CAPRIN1: variants seen among roughly 807,000 people sequenced by gnomAD.
The protein encoded by CAPRIN1 is cell cycle associated protein 1.
A neutral mutation model predicts 100.9 loss-of-function variants in CAPRIN1; 29 were observed. The ratio of observed to expected loss-of-function variants is 0.29; its 90% CI spans 0.21 to 0.39. The LOEUF (loss-of-function observed/expected upper bound fraction) is 0.39, where lower values mean the gene tolerates loss of function less well. Ranked by LOEUF, CAPRIN1 falls within the 10% of genes least tolerant of loss-of-function variation. The probability of loss-of-function intolerance (pLI) is 1.00; values close to 1 mark genes in which losing one functional copy is unlikely to be tolerated. For missense variants in CAPRIN1, 795 were observed against 876.7 expected (o/e 0.91, Z 1.18); for synonymous variants, 338 against 307.5 (o/e 1.10, Z -1.04).
intron 9 of CAPRIN1, 132 bp downstream of exon 9, chr11:34,083,173 G>C: frequency 1.6e-6 from 1 of 641,164 alleles, no homozygotes; most frequent in Non-Finnish European, 2.8e-6. Flanking sequence ...CATTACACCA[G>C]ACTGTTACTT....
Position 34,068,529 on chromosome 11 carries a change from A to G in CAPRIN1, c.217-3197A>G, listed in dbSNP as rs182819295. On this transcript the variant is annotated intron_variant, in intron 2 of 18. Coordinates refer to ENST00000341394, the MANE Select transcript of CAPRIN1 (RefSeq NM_005898.5). ...ATTCTAAATTTGTTATTGTGTAGAA[A>G]ATTGGAGGTTTTCTACTCTAGGATA... Among the ~76,000 whole-genome samples, 9 of 152,260 alleles carry G rather than the reference A, an allele frequency of 5.9e-5. No individual in the cohort carries two copies. In the East Asian group the frequency reaches 1.7e-3, roughly 29 times the overall value.
At chr11:34,066,912 G>T (rs527551677) in intron 2 of CAPRIN1, among the ~76,000 whole-genome samples, 1 of 149,892 alleles carries the variant, frequency 6.7e-6, no homozygotes, top group Admixed American at 6.7e-5. Flanking sequence ...CATTACAGGC[G>T]TGAGCCATCA....
At chr11:34,096,332 T>C (rs16925163) in intron 15 of CAPRIN1, 147 bp from the exon 16 acceptor site, 51,518 of 578,546 alleles carry the variant, frequency 0.089, 2,713 homozygotes, top group African/African-American at 0.15. Flanking sequence ...ACTTTATTCA[T>C]GTGTAGTTTT....
chr11:34,086,095 C>G lies in CAPRIN1; in HGVS notation c.998C>G (p.Ala333Gly), dbSNP rs201906028. 8.1e-6 allele frequency: 13 copies of G among 1,614,036 alleles called. No homozygotes were observed. The highest frequency in any genetic ancestry group is 1.0e-5 in the Non-Finnish European group (12 of 1,179,972). ...AATTCACTCCAGCAGCAACCTCAGG[C>G]TGCATCCCCTTCAGTACCAGAGCCC... The part of the protein sequence containing the change: ...VVNSLQQQPQ[A>G]ASPSVPEPHS... Residue 333 changes from alanine (A) to glycine (G), a missense_variant, in exon 10 of 19, where the codon GCT (alanine) becomes GGT (glycine). Physicochemically the swap from Ala to Gly is moderately conservative, Grantham distance 60 (BLOSUM62 0). Around this residue, in one of 3 missense-constraint regions of CAPRIN1, gnomAD observed 648 missense variants for 697.9 expected, o/e 0.93. Transcript: ENST00000341394.
intron 2 of CAPRIN1, among the ~76,000 whole-genome samples, chr11:34,059,354 C>T (rs544445961): frequency 2.6e-5 from 4 of 151,688 alleles, no homozygotes; most frequent in African/African-American, 7.3e-5. Flanking sequence ...CTGCAACCTC[C>T]GCCTCCTGGG....
chr11:34,080,126 T>A (rs1373043053), intron 7 of CAPRIN1, among the ~76,000 whole-genome samples: 2 of 152,050 alleles, frequency 1.3e-5, no homozygotes, highest in Admixed American at 6.6e-5. Flanking sequence ...GGTTTCACTG[T>A]GTTGGCCAGG....
chr11:34,079,905 G>GCTTTTTTTTTT (rs1850980473), intron 7 of CAPRIN1, 140 bp downstream of exon 7: 3 of 316,654 alleles, frequency 9.5e-6, no homozygotes, highest in African/African-American at 8.7e-5. Flanking sequence ...GCATGACAAA[G>GCTTTTTTTTTT]TTTTTTTTTT....
Position 34,097,203 on chromosome 11 carries a change from T to C in CAPRIN1, c.1908T>C (p.Tyr636=). The change falls in exon 17 of 19, where the codon TAT becomes TAC. Residue 636 remains tyrosine (Y), a synonymous_variant. Transcript: ENST00000341394. Reference sequence around the variant, plus strand: ...TCTTGTCCTAAATTTTAGGAGGATATGATGGTTACCGCCCTTCATTCTCTA... The same window carrying C: ...TCTTGTCCTAAATTTTAGGAGGATACGATGGTTACCGCCCTTCATTCTCTA... ...RGPANGFRGG[Y]DGYRPSFSNT... 1 of 1,609,900 alleles carries C rather than the reference T, an allele frequency of 6.2e-7. No individual in the cohort carries two copies. Among genetic ancestry groups the C allele is most frequent in the Non-Finnish European group, 8.5e-7 (1 of 1,176,206 alleles).
At position 34,071,721 on chromosome 11, in the gene CAPRIN1, CAT is replaced by C. The variant is rs1850807297; in HGVS notation, c.217-3_217-2del. The stretch of plus-strand genomic sequence containing the variant: ...AATGTAATTCTTTTTTTTCTTTTAA[CAT>C]AGGGTAAGCTTGATGATTACCAGGA... On this transcript the variant is annotated splice_polypyrimidine_tract_variant and splice_region_variant and intron_variant, in intron 2 of 18. Transcript: ENST00000341394. 1 of 1,603,660 alleles carries C rather than the reference CAT, an allele frequency of 6.2e-7. No homozygotes were observed. The highest frequency in any genetic ancestry group is 8.5e-7 in the Non-Finnish European group (1 of 1,171,436).
In CAPRIN1 at chr11:34,099,315, C is replaced by A. The variant is rs377086083; in HGVS notation, c.2078C>A (p.Pro693His). ...PRGAPRGRGG[P>H]PRPNRGMPQM... Reference sequence around the variant, plus strand: ...TTTTGTCTTCTAGGTCGTGGAGGGCCCCCAAGACCCAACAGAGGGATGCCG... The same window carrying A: ...TTTTGTCTTCTAGGTCGTGGAGGGCACCCAAGACCCAACAGAGGGATGCCG... The change falls in exon 19 of 19, where the codon CCC becomes CAC. Residue 693 changes from proline to histidine, a missense_variant. Physicochemically the swap from Pro to His is moderately conservative, Grantham distance 77. Coordinates refer to ENST00000341394, the MANE Select transcript of CAPRIN1 (RefSeq NM_005898.5). 1.9e-6 allele frequency: 3 copies of A among 1,613,380 alleles called. No individual in the cohort carries two copies. Among genetic ancestry groups the A allele is most frequent in the African/African-American group, 2.7e-5 (2 of 74,782 alleles).
intron 9 of CAPRIN1, 118 bp from the exon 10 acceptor site, chr11:34,085,946 A>G: frequency 1.4e-6 from 1 of 738,906 alleles, no homozygotes; most frequent in South Asian, 1.9e-5. Flanking sequence ...TAACTGCATT[A>G]AAGCCCGTTC....
chr11:34,091,613 C>T, intron 14 of CAPRIN1: 1 of 200,118 alleles, frequency 5.0e-6, no homozygotes, highest in Non-Finnish European at 1.0e-5. Context: ...AAAGATTTCT[C>T]ATATATGTAA....
Position 34,076,625 on chromosome 11 carries a change from C to T in CAPRIN1, c.671C>T (p.Pro224Leu), listed in dbSNP as rs750205337. Residue 224 changes from proline to leucine, a missense_variant, in exon 6 of 19, where the codon CCT becomes CTT. Physicochemically the swap from Pro to Leu is moderately conservative, Grantham distance 98 (BLOSUM62 -3). Coordinates refer to ENST00000341394, the MANE Select transcript of CAPRIN1 (RefSeq NM_005898.5). ...LWDLLEGKEK[P>L]VCGTTYKVLK... ...GACCTGCTGGAAGGGAAGGAAAAAC[C>T]TGTATGTGGAACCACCTGTGAGTAT... 6.2e-7 allele frequency: 1 copy of T among 1,612,248 alleles called. No individual in the cohort carries two copies. The highest frequency in any genetic ancestry group is 1.7e-5 in the Admixed American group (1 of 60,016).
chr11:34,092,044 C>G lies in CAPRIN1; in HGVS notation c.1693C>G (p.Gln565Glu), dbSNP rs765805395. ...AGAACAAACAGAGCTTCAGCAAGAA[C>G]AGCTTCAAACAGGTACGAAATCCAG... ...QVEQTELQQE[Q>E]LQTVVGTYHG... Residue 565 changes from glutamine (Q) to glutamate (E), a missense_variant, in exon 15 of 19, where the codon CAG becomes GAG. Transcript: ENST00000341394. 1.2e-6 allele frequency: 2 copies of G among 1,612,964 alleles called. No individual in the cohort carries two copies.
In CAPRIN1 at chr11:34,102,286, C is replaced by T. The variant is rs531060852; in HGVS notation, c.*2919C>T. ...TAGGACATTTGTTCATTATATTTTC[C>T]GTCATATAACTAGAGGAAGTGGAAT... On this transcript the variant is annotated 3_prime_UTR_variant, in exon 19 of 19. Transcript: ENST00000341394. 4.6e-5 allele frequency among the ~76,000 whole-genome samples: 7 copies of T among 152,192 alleles called. No individual in the cohort carries two copies. Among genetic ancestry groups the T allele is most frequent in the East Asian group, 1.9e-4 (1 of 5,178 alleles).
chr11:34,086,133 C>T lies in CAPRIN1; in HGVS notation c.1036C>T (p.Pro346Ser), dbSNP rs749284381. ...AGTACCAGAGCCCCACTCTTTGACT[C>T]CAGTGGCTCAGGCAGATCCCCTTGT... ...PSVPEPHSLT[P>S]VAQADPLVRR... The change falls in exon 10 of 19, where the codon CCA becomes TCA. Residue 346 changes from proline (P) to serine (S), a missense_variant. Around this residue, in one of 3 missense-constraint regions of CAPRIN1, gnomAD observed 648 missense variants for 697.9 expected, o/e 0.93. Coordinates refer to ENST00000341394, the MANE Select transcript of CAPRIN1 (RefSeq NM_005898.5). 3 of 1,613,908 alleles carry T rather than the reference C, an allele frequency of 1.9e-6. No individual in the cohort carries two copies. Among genetic ancestry groups the T allele is most frequent in the Admixed American group, 1.7e-5 (1 of 59,984 alleles).
intron 2 of CAPRIN1, among the ~76,000 whole-genome samples, chr11:34,068,595 A>G (rs1446330695): frequency 1.3e-5 from 2 of 152,182 alleles, no homozygotes; most frequent in Admixed American, 6.5e-5. Flanking sequence ...ATAATTAAGG[A>G]TTGTTATTGG....
rs1179607526 is a variant in CAPRIN1, at chr11:34,101,476, T to TG, written c.*2114dup. Among the ~76,000 whole-genome samples, 2 of 152,170 alleles carry TG rather than the reference T, an allele frequency of 1.3e-5. No homozygotes were observed. The highest frequency in any genetic ancestry group is 2.4e-5 in the African/African-American group (1 of 41,450). On this transcript the variant is annotated 3_prime_UTR_variant, in exon 19 of 19. Coordinates refer to ENST00000341394, the MANE Select transcript of CAPRIN1 (RefSeq NM_005898.5). ...CTCTGAATCAGTTTCAGAGAAGGGA[T>TG]GGGGGAGAAAATGCCTTCTAGGTTT... is the stretch of plus-strand genomic sequence containing the variant.
chr11:34,055,433 C>T lies in CAPRIN1; in HGVS notation c.216+2797C>T, dbSNP rs949261601. 4.6e-5 allele frequency among the ~76,000 whole-genome samples: 7 copies of T among 152,338 alleles called. No individual in the cohort carries two copies. In the South Asian group the frequency reaches 1.0e-3, roughly 23 times the overall value. Reference sequence around the variant, plus strand: ...CGCCTCCTGGGTTCAAGCGATTCTCCTGCCTCGGCCCCCCGCCCAGAGTAG... The same window carrying T: ...CGCCTCCTGGGTTCAAGCGATTCTCTTGCCTCGGCCCCCCGCCCAGAGTAG... On this transcript the variant is annotated intron_variant, in intron 2 of 18. Coordinates refer to ENST00000341394, the MANE Select transcript of CAPRIN1 (RefSeq NM_005898.5).
Sources: gnomAD v4.1 joint callset for allele counts (sites outside exome capture counted in the v4.1 genomes callset) on GRCh38, gnomAD v4.1.1 for gene constraint, gnomAD v4.1.1 regional missense constraint, MANE v1.5 for transcripts, NCBI Gene and HGNC (gene_info 2026-07-23, HGNC 2026-07-21) for gene names.